The following DST variants were observed in gnomAD, a reference collection of about 807,000 sequenced individuals.
The protein encoded by DST is dystonin, also known as bullous pemphigoid antigen.
A neutral mutation model predicts 875.2 loss-of-function variants in DST; 253 were observed. The observed-to-expected ratio is 0.29, with a 90% CI of 0.26 to 0.32. The LOEUF (loss-of-function observed/expected upper bound fraction) is 0.32. Among genes scored for constraint, DST ranks in the 10% least tolerant of loss-of-function variants. DST has a pLI of 1.00. For synonymous variants in DST, 3,124 were observed against 3,197.1 expected, an observed-to-expected ratio of 0.98 and a Z score of 0.77; for missense variants, 8,287 against 9,111.6, an observed-to-expected ratio of 0.91 and a Z score of 3.68.
chr6:56,812,723 T>C (rs944586651), intron 4 of DST, among the ~76,000 whole-genome samples: 3 of 152,178 alleles, frequency 2.0e-5, no homozygotes, highest in Non-Finnish European at 4.4e-5. Flanking sequence ...TAGATGCAAA[T>C]ATTCTCATTT....
intron 3 of DST, chr6:56,871,642 C>T (rs1404761492): frequency 1.3e-6 from 1 of 746,028 alleles, no homozygotes; most frequent in African/African-American, 1.7e-5. Context: ...ATGATCCTTA[C>T]TGAAAAGGAA....
At chr6:56,583,724 T>A (rs2098079366) in intron 49 of DST, among the ~76,000 whole-genome samples, 2 of 152,192 alleles carry the variant, frequency 1.3e-5, no homozygotes, top group African/African-American at 4.8e-5. Flanking sequence ...GTTTTTATGG[T>A]TTTAGGTCTA....
chr6:56,844,584 G>GTAAT (rs1211902410), intron 4 of DST, among the ~76,000 whole-genome samples: 17 of 152,164 alleles, frequency 1.1e-4, no homozygotes, highest in Non-Finnish European at 5.9e-5. Context: ...GTGTTTAAGA[G>GTAAT]TAATGACTGG....
chr6:56,622,569 C>CAA (rs61514901), intron 36 of DST, among the ~76,000 whole-genome samples: 48 of 65,718 alleles, frequency 7.3e-4, no homozygotes, highest in East Asian at 4.0e-3. Context: ...AGATCCGTCT[C>CAA]AAAAAAAAAA....
In DST at chr6:56,603,426, A is replaced by G. The variant is rs563099445; in HGVS notation, c.10942-6T>C. 720 of 1,609,298 alleles carry G rather than the reference A, an allele frequency of 4.5e-4. 10 individuals carry two copies. The South Asian group carries it at 6.7e-3, about 15-fold the overall frequency. On this transcript the variant is annotated splice_polypyrimidine_tract_variant and splice_region_variant and intron_variant, in intron 41 of 103. Coordinates refer to ENST00000680361, the MANE Select transcript of DST (RefSeq NM_001374736.1). Reference sequence around the variant, plus strand: ...GCTAATCCCAATTCAAATGTCTGCAAAGAAATATATCCCGGACCTATTTAC... The same window carrying G: ...GCTAATCCCAATTCAAATGTCTGCAGAGAAATATATCCCGGACCTATTTAC...
intron 61 of DST, among the ~76,000 whole-genome samples, chr6:56,549,883 C>T (rs987095656): frequency 3.9e-5 from 6 of 152,258 alleles, no homozygotes; most frequent in Non-Finnish European, 7.4e-5. Context: ...TTACACGAAG[C>T]AGTGCATCAT....
chr6:56,639,631 C>T lies in DST; in HGVS notation c.2698-20G>A. The T allele has an allele frequency of 1.2e-6, 2 of 1,613,066 alleles. No individual in the cohort carries two copies. Among genetic ancestry groups the T allele is most frequent in the East Asian group, 4.5e-5 (2 of 44,802 alleles). ...TGTATTCTTTAGTAAGGAAAATCAT[C>T]ATAAGAATCATGTTTTTGCCAAATA... On this transcript the variant is annotated intron_variant, in intron 20 of 103. Transcript: ENST00000680361.
intron 27 of DST, 140 bp downstream of exon 27, chr6:56,633,992 A>T (rs2098805778): frequency 9.6e-6 from 10 of 1,041,342 alleles, no homozygotes; most frequent in Non-Finnish European, 1.3e-5. Flanking sequence ...GCATATAACA[A>T]ATATTCATTG....
intron 55 of DST, among the ~76,000 whole-genome samples, chr6:56,562,669 G>A (rs1218660195): frequency 6.6e-6 from 1 of 151,784 alleles, no homozygotes; most frequent in Admixed American, 6.6e-5. Context: ...GTATACACAT[G>A]CCATGGAGGT....
chr6:56,592,435 T>C (rs1046239387), intron 48 of DST, 77 bp from the exon 49 acceptor site: 1 of 1,167,812 alleles, frequency 8.6e-7, no homozygotes, highest in African/African-American at 1.6e-5. Flanking sequence ...TTAGGACCTA[T>C]AAAATATGTA....
At chr6:56,763,358 C>T (rs948508741) in intron 4 of DST, among the ~76,000 whole-genome samples, 1 of 152,012 alleles carries the variant, frequency 6.6e-6, no homozygotes, top group African/African-American at 2.4e-5. Flanking sequence ...TAGCTTTTCA[C>T]TATGATTAAT....
Position 56,843,024 on chromosome 6 carries a change from G to C in DST, c.625+8373C>G, listed in dbSNP as rs769935694. ...CGGTTGCCTCTCTGATCAGTGCCAA[G>C]CTCCGCAGCCCCAGGGCAGGGACCA... On this transcript the variant is annotated intron_variant, in intron 4 of 103. Coordinates refer to ENST00000680361, the MANE Select transcript of DST (RefSeq NM_001374736.1). The C allele has an allele frequency of 9.2e-6, 13 of 1,419,350 alleles. No homozygotes were observed. In the East Asian group the frequency reaches 3.3e-4, roughly 37 times the overall value. The allele number at this position is 1,419,350 out of a possible 1,614,324, so 87.9% of individuals were successfully genotyped here.
At chr6:56,505,065 A>G (rs1257445055) in intron 77 of DST, among the ~76,000 whole-genome samples, 1 of 152,190 alleles carries the variant, frequency 6.6e-6, no homozygotes, top group Non-Finnish European at 1.5e-5. Context: ...TTAAGTTATC[A>G]TTAGCCAACC....
chr6:56,642,221 G>C, intron 16 of DST, 120 bp from the exon 17 acceptor site: 4 of 948,212 alleles, frequency 4.2e-6, no homozygotes, highest in Non-Finnish European at 6.6e-6. Flanking sequence ...TTCCTTGTTG[G>C]TTCAAAAATA....
intron 20 of DST, 41 bp downstream of exon 20, chr6:56,639,655 T>A (rs1256959601): frequency 6.2e-7 from 1 of 1,613,134 alleles, no homozygotes; most frequent in Non-Finnish European, 8.5e-7. Context: ...TTTTGCCAAA[T>A]ATAGATAAGG....
chr6:56,604,450 A>C lies in DST; in HGVS notation c.10178T>G (p.Ile3393Ser). 6.2e-7 allele frequency: 1 copy of C among 1,609,512 alleles called. No homozygotes were observed. Among genetic ancestry groups the C allele is most frequent in the Non-Finnish European group, 8.5e-7 (1 of 1,177,360 alleles). The change falls in exon 40 of 104, where the codon ATT becomes AGT. Residue 3393 changes from isoleucine (I) to serine (S), a missense_variant. Physicochemically the swap from Ile to Ser is moderately radical, Grantham distance 142. Transcript: ENST00000680361. ...CTCATTTACCAACTGTGATGTGGTAATCCTTTTAATTAAATTTTGAATTAA... is the reference window on the plus strand; with the variant it reads ...CTCATTTACCAACTGTGATGTGGTACTCCTTTTAATTAAATTTTGAATTAA... ...KILIQNLIKRITTSQLVNEAS... is the reference protein window; with the variant it reads ...KILIQNLIKRSTTSQLVNEAS...
In DST at chr6:56,485,477, G is replaced by A; in HGVS notation, c.21048-6C>T. Reference sequence around the variant, plus strand: ...CTTCCTCCAATTTGTTTTGTCTAGGGAAAAAGGTAGAAAAATTGATCCTTG... The same window carrying A: ...CTTCCTCCAATTTGTTTTGTCTAGGAAAAAAGGTAGAAAAATTGATCCTTG... On this transcript the variant is annotated splice_region_variant and splice_polypyrimidine_tract_variant and intron_variant, in intron 87 of 103. Transcript: ENST00000680361. 1 of 1,609,058 alleles carries A rather than the reference G, an allele frequency of 6.2e-7. No homozygotes were observed. The highest frequency in any genetic ancestry group is 8.5e-7 in the Non-Finnish European group (1 of 1,177,736).
Position 56,607,186 on chromosome 6 carries a change from C to T in DST, c.7442G>A (p.Arg2481Lys). The T allele has an allele frequency of 6.2e-7, 1 of 1,613,448 alleles. No individual in the cohort carries two copies. Residue 2481 changes from arginine to lysine, a missense_variant, in exon 40 of 104, where the codon AGA becomes AAA. Physicochemically the swap from Arg to Lys is conservative, Grantham distance 26 (BLOSUM62 2). Transcript: ENST00000680361. ...FSDKTMLSGQ[R>K]IGEKFQDQFL... ...CTGGTCTTGAAATTTTTCTCCTATT[C>T]TTTGACCTGACAACATGGTTTTGTC...
intron 4 of DST, among the ~76,000 whole-genome samples, chr6:56,813,749 T>C (rs1172659416): frequency 6.6e-6 from 1 of 152,168 alleles, no homozygotes; most frequent in Non-Finnish European, 1.5e-5. Flanking sequence ...AAAAATGAGA[T>C]GGTGTTTTTG....
Sources: allele counts gnomAD v4.1 joint callset (sites outside exome capture counted in the v4.1 genomes callset), GRCh38; gene constraint gnomAD v4.1.1; transcripts MANE v1.5; gene names NCBI Gene and HGNC (gene_info 2026-07-23, HGNC 2026-07-21).